The following NPR3 variants were observed in gnomAD, a reference collection of about 807,000 sequenced individuals.
NPR3 encodes the protein atrial natriuretic peptide receptor 3.
NPR3 carries 34 observed loss-of-function variants against 54.5 expected under a neutral mutation model. That is an observed-to-expected ratio of 0.62 (90% CI 0.47 to 0.83). NPR3 has a LOEUF of 0.83. NPR3 is among the 40% of genes least tolerant of loss of function. The pLI is 0.00. For synonymous variants in NPR3, 289 were observed against 297.1 expected, an observed-to-expected ratio of 0.97 and a Z score of 0.28; for missense variants, 674 against 720.8, an observed-to-expected ratio of 0.94 and a Z score of 0.74.
At chr5:32,760,680 T>TA (rs1353137654) in intron 3 of NPR3, among the ~76,000 whole-genome samples, 1 of 151,542 alleles carries the variant, frequency 6.6e-6, no homozygotes, top group African/African-American at 2.4e-5. Flanking sequence ...TTTTTTTTTT[T>TA]AAATTTAGAT....
intron 5 of NPR3, 26 bp from the exon 6 acceptor site, chr5:32,782,867 T>C: frequency 6.3e-7 from 1 of 1,581,576 alleles, no homozygotes; most frequent in Non-Finnish European, 8.6e-7. Context: ...TTTTGGTTTG[T>C]CTATTTGTTT....
Position 32,782,883 on chromosome 5 carries a change from C to G in NPR3, c.1291-10C>G. The stretch of plus-strand genomic sequence containing the variant: ...TTTGGTTTGTCTATTTGTTTTTTGC[C>G]TCTATATAGGTTATTGGTGATTATT... On this transcript the variant is annotated splice_polypyrimidine_tract_variant and intron_variant, in intron 5 of 7. Coordinates refer to ENST00000265074, the MANE Select transcript of NPR3 (RefSeq NM_001204375.2). 2 of 1,589,160 alleles carry G rather than the reference C, an allele frequency of 1.3e-6. No individual in the cohort carries two copies. The highest frequency in any genetic ancestry group is 1.7e-6 in the Non-Finnish European group (2 of 1,170,232).
At chr5:32,762,103 C>T (rs1741202363) in intron 3 of NPR3, among the ~76,000 whole-genome samples, 1 of 152,094 alleles carries the variant, frequency 6.6e-6, no homozygotes, top group Non-Finnish European at 1.5e-5. Flanking sequence ...TCATCCATGT[C>T]CTGGCAAAGG....
chr5:32,745,698 C>T (rs1740261107), intron 3 of NPR3, among the ~76,000 whole-genome samples: 1 of 152,216 alleles, frequency 6.6e-6, no homozygotes, highest in African/African-American at 2.4e-5. Flanking sequence ...TCCCTGCACC[C>T]CACCTGCCCA....
intron 1 of NPR3, 65 bp from the exon 2 acceptor site, chr5:32,724,633 G>A: frequency 1.3e-6 from 2 of 1,594,916 alleles, no homozygotes; most frequent in Non-Finnish European, 1.7e-6. Context: ...TCCCTTACTG[G>A]TGTCAGCATG....
chr5:32,786,211 A>G (rs1460565018), intron 7 of NPR3, 23 bp from the exon 8 acceptor site: 1 of 955,364 alleles, frequency 1.0e-6, no homozygotes, highest in African/African-American at 1.6e-5. Context: ...TTTTATTACC[A>G]CATTCACTTT....
Position 32,738,982 on chromosome 5 carries a change from G to C in NPR3, c.1011G>C (p.Met337Ile). Residue 337 changes from methionine (M) to isoleucine (I), a missense_variant, in exon 3 of 8, where the codon ATG becomes ATC. By Grantham distance (10) the Met-to-Ile change is conservative (BLOSUM62 1). Transcript: ENST00000265074. ...TVKPEFEKFS[M>I]EVKSSVEKQG... ...AACCTGAGTTTGAGAAGTTTTCCAT[G>C]GAGGTGAAAAGTTCAGTTGAGAAAC... is the stretch of plus-strand genomic sequence containing the variant. 1 of 1,613,996 alleles carries C rather than the reference G, an allele frequency of 6.2e-7. No individual in the cohort carries two copies. Among genetic ancestry groups the C allele is most frequent in the Non-Finnish European group, 8.5e-7 (1 of 1,179,874 alleles).
rs1442316650 is a variant in NPR3 at position 32,756,975 on chromosome 5, G to A, written c.1060-17733G>A. ...TCCATTGGTCTATATCTCTGTTTTGGTAGCAGTACCATGCTGTTTTGGTTA... is the reference window on the plus strand; with the variant it reads ...TCCATTGGTCTATATCTCTGTTTTGATAGCAGTACCATGCTGTTTTGGTTA... On this transcript the variant is annotated intron_variant, in intron 3 of 7. Coordinates refer to ENST00000265074, the MANE Select transcript of NPR3 (RefSeq NM_001204375.2). 4.6e-5 allele frequency among the ~76,000 whole-genome samples: 7 copies of A among 152,266 alleles called. No homozygotes were observed. In the East Asian group the frequency reaches 1.3e-3, roughly 29 times the overall value.
At chr5:32,749,918 C>T (rs1740490208) in intron 3 of NPR3, among the ~76,000 whole-genome samples, 1 of 152,150 alleles carries the variant, frequency 6.6e-6, no homozygotes, top group Admixed American at 6.5e-5. Flanking sequence ...GGGATATTTA[C>T]ATAAAAATAA....
At chr5:32,710,500 T>C, upstream of NPR3, 1 of 720,602 alleles carries the variant, frequency 1.4e-6, no homozygotes, top group Admixed American at 4.2e-5. Context: ...ACTTTCCTGC[T>C]CTCAGTGCGC....
rs560878352 is a variant in NPR3 at position 32,763,477 on chromosome 5, T to G, written c.1060-11231T>G. Among the ~76,000 whole-genome samples, 447 of 79,286 alleles carry G rather than the reference T, an allele frequency of 5.6e-3. 1 individual carries two copies. The highest frequency in any genetic ancestry group is 0.026 in the African/African-American group (431 of 16,676). The allele number at this position is 79,286 out of a possible 152,430, so 52.0% of individuals were successfully genotyped here. On this transcript the variant is annotated intron_variant, in intron 3 of 7. Coordinates refer to ENST00000265074, the MANE Select transcript of NPR3 (RefSeq NM_001204375.2). Reference sequence around the variant, plus strand: ...AGCAATGGCCACCTCGCTCAGCTAATTTTTTTTTTTTTTTTTTTAAGAGTC... The same window carrying G: ...AGCAATGGCCACCTCGCTCAGCTAAGTTTTTTTTTTTTTTTTTTAAGAGTC...
At chr5:32,709,639 C>T (rs1192642662), upstream of NPR3, 2 of 152,066 alleles carry the variant, frequency 1.3e-5, no homozygotes, top group African/African-American at 4.8e-5. Flanking sequence ...GTGAAGATTT[C>T]GGGATCACAG....
At chr5:32,726,502 A>G (rs542778254) in intron 2 of NPR3, among the ~76,000 whole-genome samples, 1 of 152,260 alleles carries the variant, frequency 6.6e-6, no homozygotes, top group Non-Finnish European at 1.5e-5. Flanking sequence ...TAGTTTTACT[A>G]TGGGCTGCAG....
intron 4 of NPR3, among the ~76,000 whole-genome samples, chr5:32,775,809 G>A (rs1187995179): frequency 6.6e-6 from 1 of 152,126 alleles, no homozygotes; most frequent in East Asian, 1.9e-4. Flanking sequence ...TGTTGGTCAA[G>A]CTGGTCTCAA....
intron 2 of NPR3, among the ~76,000 whole-genome samples, chr5:32,729,722 A>C (rs918961485): frequency 5.9e-5 from 9 of 152,224 alleles, no homozygotes; most frequent in African/African-American, 2.2e-4. Flanking sequence ...CTAAACATAG[A>C]TTCTATCTAA....
chr5:32,755,803 A>G (rs1217933505), intron 3 of NPR3, among the ~76,000 whole-genome samples: 1 of 152,026 alleles, frequency 6.6e-6, no homozygotes, highest in Non-Finnish European at 1.5e-5. Context: ...TTCTTTGATG[A>G]CAAAGTGTTC....
chr5:32,774,934 T>C (rs992780491), intron 4 of NPR3, 91 bp downstream of exon 4: 7 of 1,000,408 alleles, frequency 7.0e-6, no homozygotes, highest in Non-Finnish European at 1.1e-5. Context: ...TGTGGGGCCT[T>C]TCCAGCGTCT....
At chr5:32,707,369 A>C (rs1045419165), upstream of NPR3, among the ~76,000 whole-genome samples, 1 of 152,112 alleles carries the variant, frequency 6.6e-6, no homozygotes, top group South Asian at 2.1e-4. Context: ...ATAGAAGAAA[A>C]AGAGTAAGTT....
rs374651121 is a variant in NPR3, at chr5:32,783,135, ATTTC to A, written c.1426+113_1426+116del. On this transcript the variant is annotated intron_variant, in intron 6 of 7. Transcript: ENST00000265074. ...AGGGCCTTACATTTTGGAATTTTAC[ATTTC>A]TTTCTCTGATGTGGTAAAACGCATG... 5.6e-5 allele frequency: 60 copies of A among 1,070,716 alleles called. No individual in the cohort carries two copies. The African/African-American group carries it at 8.2e-4, about 15-fold the overall frequency. The allele number at this position is 1,070,716 out of a possible 1,614,324, so 66.3% of individuals were successfully genotyped here.
Sources: allele counts gnomAD v4.1 joint callset (sites outside exome capture counted in the v4.1 genomes callset), GRCh38; gene constraint gnomAD v4.1.1; transcripts MANE v1.5; gene names NCBI Gene and HGNC (gene_info 2026-07-23, HGNC 2026-07-21).